Variants in RAPH1 observed in about 807,000 individuals in gnomAD.
RAPH1 encodes the protein ras-associated and pleckstrin homology domains-containing protein 1.
Under a neutral mutation model 88.1 loss-of-function variants are expected in RAPH1, and 18 were observed. That is an observed-to-expected ratio of 0.20 (90% CI 0.14 to 0.30). The LOEUF (loss-of-function observed/expected upper bound fraction) is 0.30, where lower values mean the gene tolerates loss of function less well. RAPH1 is among the 10% of genes least tolerant of loss of function. The probability of loss-of-function intolerance (pLI) is 1.00; values close to 1 mark genes in which losing one functional copy is unlikely to be tolerated. For missense variants in RAPH1, 1,448 were observed against 1,543.2 expected (o/e 0.94, Z 1.03); for synonymous variants, 587 against 559.0 (o/e 1.05, Z -0.71).
intron 1 of RAPH1, chr2:203,533,531 A>T (rs908821704): frequency 2.6e-5 from 4 of 151,698 alleles, no homozygotes; most frequent in African/African-American, 7.3e-5. Context: ...AAAGGATAGC[A>T]CCACCATGTG....
rs142806655 is a variant in RAPH1 at position 203,444,754 on chromosome 2, A to G, written c.1776+114T>C. On this transcript the variant is annotated intron_variant, in intron 13 of 13. Transcript: ENST00000319170. ...CAATTAGGAAGATTGAAAATTAATA[A>G]AGGAGACTGAAATAAGGCCAAATAA... is the stretch of plus-strand genomic sequence containing the variant. 1.1e-3 allele frequency: 1,019 copies of G among 894,892 alleles called. 8 individuals carry two copies. In the African/African-American group the frequency reaches 0.013, roughly 11 times the overall value. The allele number at this position is 894,892 out of a possible 1,614,324, so 55.4% of individuals were successfully genotyped here.
chr2:203,442,118 A>G, intron 13 of RAPH1: 1 of 1,560,984 alleles, frequency 6.4e-7, no homozygotes, highest in South Asian at 1.2e-5. Context: ...TAAACATTAT[A>G]GCAAAAGACT....
chr2:203,455,679 A>T, intron 8 of RAPH1, 99 bp from the exon 9 acceptor site: 1 of 1,179,542 alleles, frequency 8.5e-7, no homozygotes, highest in Non-Finnish European at 1.2e-6. Flanking sequence ...ATTAAACCAA[A>T]ATGGTTTTAT....
intron 1 of RAPH1, among the ~76,000 whole-genome samples, chr2:203,530,807 G>A (rs1690356251): frequency 6.6e-6 from 1 of 151,848 alleles, no homozygotes; most frequent in Non-Finnish European, 1.5e-5. Flanking sequence ...CAGGAGAATC[G>A]CTTGAGCCTG....
intron 4 of RAPH1, among the ~76,000 whole-genome samples, chr2:203,475,749 TAAA>T (rs60658092): frequency 4.8e-5 from 5 of 103,552 alleles, no homozygotes; most frequent in Non-Finnish European, 6.4e-5. Context: ...ACTTCTTGTA[TAAA>T]AAAAAAAAAA....
chr2:203,501,659 T>TA (rs530471487), intron 1 of RAPH1, among the ~76,000 whole-genome samples: 40 of 148,404 alleles, frequency 2.7e-4, no homozygotes, highest in African/African-American at 4.7e-4. Flanking sequence ...GTAGATGAGT[T>TA]AAAAAAAAAA....
chr2:203,514,994 G>A (rs1689531230), intron 1 of RAPH1, among the ~76,000 whole-genome samples: 1 of 152,082 alleles, frequency 6.6e-6, no homozygotes, highest in Admixed American at 6.5e-5. Context: ...TTTATTATGT[G>A]GTTTTGCATT....
intron 10 of RAPH1, among the ~76,000 whole-genome samples, chr2:203,449,458 G>A (rs879499937): frequency 2.6e-5 from 4 of 152,160 alleles, no homozygotes; most frequent in Admixed American, 2.6e-4. Context: ...TTCACATTTA[G>A]TTTTCACAAC....
intron 2 of RAPH1, among the ~76,000 whole-genome samples, chr2:203,493,621 C>A (rs1438436774): frequency 6.6e-6 from 1 of 152,178 alleles, no homozygotes; most frequent in Non-Finnish European, 1.5e-5. Flanking sequence ...AAAAATGTCA[C>A]TTCTTCTGAT....
intron 1 of RAPH1, among the ~76,000 whole-genome samples, chr2:203,506,899 T>TA (rs1491316870): frequency 0.14 from 12,940 of 93,784 alleles, 1,592 homozygotes; most frequent in Non-Finnish European, 0.18. Flanking sequence ...TATATATATA[T>TA]TTTTTTTTTT....
At chr2:203,507,316 C>T (rs1433740141) in intron 1 of RAPH1, among the ~76,000 whole-genome samples, 1 of 152,024 alleles carries the variant, frequency 6.6e-6, no homozygotes, top group Non-Finnish European at 1.5e-5. Context: ...ATTTTGCAAC[C>T]ACTGTTATAA....
intron 4 of RAPH1, among the ~76,000 whole-genome samples, chr2:203,463,278 C>G (rs2098525659): frequency 6.6e-6 from 1 of 151,982 alleles, no homozygotes; most frequent in Non-Finnish European, 1.5e-5. Context: ...AAATCCTCAT[C>G]ATATCAGCCA....
At chr2:203,477,992 T>A (rs542325817) in intron 4 of RAPH1, among the ~76,000 whole-genome samples, 1 of 152,140 alleles carries the variant, frequency 6.6e-6, no homozygotes, top group Non-Finnish European at 1.5e-5. Flanking sequence ...CTTTGAGTTA[T>A]AATGTATTCT....
intron 13 of RAPH1, chr2:203,441,875 G>A: frequency 7.4e-7 from 1 of 1,351,100 alleles, no homozygotes; most frequent in Non-Finnish European, 9.5e-7. Flanking sequence ...CTGGGTTTAG[G>A]AGGGCTTCCT....
chr2:203,474,253 A>G (rs2098535504), intron 4 of RAPH1, among the ~76,000 whole-genome samples: 1 of 152,188 alleles, frequency 6.6e-6, no homozygotes, highest in Non-Finnish European at 1.5e-5. Flanking sequence ...TGTTAAGGAC[A>G]TTCTGGGCTG....
At chr2:203,463,358 C>T (rs1472419238) in intron 4 of RAPH1, among the ~76,000 whole-genome samples, 1 of 152,014 alleles carries the variant, frequency 6.6e-6, no homozygotes, top group Non-Finnish European at 1.5e-5. Context: ...CTAAAGCTTC[C>T]AGGGCAAAAA....
rs1162834887 is a variant in RAPH1 at position 203,435,634 on chromosome 2, C to G, written c.*3803G>C. 1.3e-5 allele frequency: 2 copies of G among 152,168 alleles called. No individual in the cohort carries two copies. Among genetic ancestry groups the G allele is most frequent in the East Asian group, 3.8e-4 (2 of 5,198 alleles). 9.4% of individuals were successfully genotyped at this position (152,168 alleles called of 1,614,324 possible). On this transcript the variant is annotated 3_prime_UTR_variant, in exon 14 of 14. Coordinates refer to ENST00000319170, the MANE Select transcript of RAPH1 (RefSeq NM_213589.3). ...TATACCTATTTTATGAAAAGCAAGG[C>G]ATCACATTGATAACCATACAGGATC...
At chr2:203,460,780 T>C (rs1344677094) in intron 6 of RAPH1, among the ~76,000 whole-genome samples, 3 of 152,024 alleles carry the variant, frequency 2.0e-5, no homozygotes, top group Non-Finnish European at 2.9e-5. Flanking sequence ...AAAAAAATAA[T>C]GTAAAGAAGC....
At position 203,437,424 on chromosome 2, in the gene RAPH1, C is replaced by G. The variant is rs2098499385; in HGVS notation, c.*2013G>C. On this transcript the variant is annotated 3_prime_UTR_variant, in exon 14 of 14. Coordinates refer to ENST00000319170, the MANE Select transcript of RAPH1 (RefSeq NM_213589.3). The stretch of plus-strand genomic sequence containing the variant: ...TGCAGGCAGAAGACTATGAGAAATT[C>G]ATTCATGAATCACAGTAGCGCTTGG... The G allele has an allele frequency of 1.3e-5, 2 of 152,174 alleles. No homozygotes were observed. Among genetic ancestry groups the G allele is most frequent in the Non-Finnish European group, 2.9e-5 (2 of 68,040 alleles). The allele number at this position is 152,174 out of a possible 1,614,324, so 9.4% of individuals were successfully genotyped here. A position where few individuals can be genotyped will look rare whatever the true frequency, so the allele number is the denominator to read the frequency against.
Sources: gnomAD v4.1 joint callset for allele counts (sites outside exome capture counted in the v4.1 genomes callset) on GRCh38, gnomAD v4.1.1 for gene constraint, MANE v1.5 for transcripts, NCBI Gene and HGNC (gene_info 2026-07-23, HGNC 2026-07-21) for gene names.